The following VANGL1 variants were observed in gnomAD, a reference collection of about 807,000 sequenced individuals.
VANGL1 encodes VANGL planar cell polarity protein 1.
VANGL1 carries 18 observed loss-of-function variants against 48.4 expected under a neutral mutation model. The observed-to-expected ratio is 0.37, with a 90% confidence interval of 0.26 to 0.55. The LOEUF (loss-of-function observed/expected upper bound fraction) is 0.55. VANGL1 is among the 20% of genes least tolerant of loss of function. VANGL1 has a pLI of 0.81. For missense variants in VANGL1, 667 were observed against 675.8 expected (o/e 0.99, Z 0.14); for synonymous variants, 257 against 261.8 (o/e 0.98, Z 0.18).
chr1:115,681,491 CT>C (rs1287173554), intron 4 of VANGL1, among the ~76,000 whole-genome samples: 1 of 113,658 alleles, frequency 8.8e-6, no homozygotes, highest in Non-Finnish European at 1.9e-5. Flanking sequence ...CGGAGGCTCT[CT>C]TTTTTTTGTT....
intron 1 of VANGL1, among the ~76,000 whole-genome samples, chr1:115,648,088 A>G (rs1486023811): frequency 2.0e-5 from 3 of 152,214 alleles, no homozygotes; most frequent in African/African-American, 7.2e-5. Flanking sequence ...GAGGAGAAGT[A>G]GTAACATAAG....
rs1553189431 is a variant in VANGL1, at chr1:115,681,503, G to GTTGTTT, written c.813-859_813-858insGTTTTT. ...CAGCGGAGGCTCTCTTTTTTTTGTT[G>GTTGTTT]TTTTTTTTGTTTTTTTTTTTGAGAC... is the stretch of plus-strand genomic sequence containing the variant. On this transcript the variant is annotated intron_variant, in intron 4 of 7. Transcript: ENST00000355485. Among the ~76,000 whole-genome samples the GTTGTTT allele has an allele frequency of 4.0e-4, 46 of 114,880 alleles. 4 individuals carry two copies. The highest frequency in any genetic ancestry group is 7.5e-4 in the East Asian group (3 of 3,974). The allele number at this position is 114,880 out of a possible 152,430, so 75.4% of individuals were successfully genotyped here. A position where few individuals can be genotyped will look rare whatever the true frequency, so the allele number is the denominator to read the frequency against.
intron 7 of VANGL1, among the ~76,000 whole-genome samples, chr1:115,690,786 A>G (rs892586076): frequency 6.6e-6 from 1 of 152,246 alleles, no homozygotes; most frequent in African/African-American, 2.4e-5. Context: ...AAGTAGGACC[A>G]TACCCTAAGA....
chr1:115,647,827 A>G (rs1169585607), intron 1 of VANGL1, among the ~76,000 whole-genome samples: 2 of 152,176 alleles, frequency 1.3e-5, no homozygotes, highest in African/African-American at 4.8e-5. Context: ...ACTGGAGAGC[A>G]CCTATGAGAG....
At chr1:115,681,491 C>T (rs12401543) in intron 4 of VANGL1, among the ~76,000 whole-genome samples, 2 of 113,656 alleles carry the variant, frequency 1.8e-5, no homozygotes, top group African/African-American at 3.1e-5. Context: ...CGGAGGCTCT[C>T]TTTTTTTTGT....
chr1:115,687,938 G>GTAGGTAGA lies in VANGL1; in HGVS notation c.1314+2414_1314+2415insGTAGATAG, dbSNP rs756946644. ...CCGGCCTATATATATCATTCATTAG[G>GTAGGTAGA]TAGATAGATAGATAGATAGATAGAT... On this transcript the variant is annotated intron_variant, in intron 7 of 7. Transcript: ENST00000355485. Among the ~76,000 whole-genome samples the GTAGGTAGA allele has an allele frequency of 6.3e-3, 706 of 112,698 alleles. 71 individuals carry two copies. The highest frequency in any genetic ancestry group is 0.029 in the Middle Eastern group (6 of 210). 73.9% of individuals were successfully genotyped at this position (112,698 alleles called of 152,430 possible).
intron 2 of VANGL1, among the ~76,000 whole-genome samples, chr1:115,659,206 ATAGAT>A (rs1449187023): frequency 6.6e-6 from 1 of 152,054 alleles, no homozygotes; most frequent in Non-Finnish European, 1.5e-5. Flanking sequence ...CTACAAAAAA[ATAGAT>A]ATTTTTTTGT....
intron 4 of VANGL1, among the ~76,000 whole-genome samples, chr1:115,678,767 G>C (rs1653263469): frequency 6.7e-6 from 1 of 148,660 alleles, no homozygotes; most frequent in Admixed American, 6.8e-5. Flanking sequence ...ACCAGCCTGG[G>C]CAACATGGTG....
chr1:115,660,216 T>G (rs1403405077), intron 3 of VANGL1, among the ~76,000 whole-genome samples: 1 of 152,140 alleles, frequency 6.6e-6, no homozygotes, highest in Non-Finnish European at 1.5e-5. Flanking sequence ...AAACGTAAGT[T>G]AATTAAGGAG....
intron 4 of VANGL1, among the ~76,000 whole-genome samples, 162 bp downstream of exon 4, chr1:115,664,430 T>C (rs909470059): frequency 1.3e-5 from 2 of 152,154 alleles, no homozygotes; most frequent in East Asian, 1.9e-4. Flanking sequence ...AGGGTGTCCA[T>C]GTTCATTGAG....
intron 4 of VANGL1, among the ~76,000 whole-genome samples, chr1:115,679,288 T>A (rs1366967502): frequency 6.6e-6 from 1 of 152,202 alleles, no homozygotes; most frequent in African/African-American, 2.4e-5. Flanking sequence ...GCCTGCACTT[T>A]CCCCTTGTTT....
At chr1:115,658,658 G>A (rs552371600) in intron 2 of VANGL1, among the ~76,000 whole-genome samples, 2 of 152,200 alleles carry the variant, frequency 1.3e-5, no homozygotes, top group South Asian at 2.1e-4. Context: ...CAAGGTGGCT[G>A]TGGGGGCAGG....
intron 3 of VANGL1, among the ~76,000 whole-genome samples, 188 bp from the exon 4 acceptor site, chr1:115,663,473 A>G (rs1431029980): frequency 6.6e-6 from 1 of 152,240 alleles, no homozygotes. Context: ...TACCTCATAC[A>G]TTTTGAAAAT....
intron 1 of VANGL1, among the ~76,000 whole-genome samples, chr1:115,643,747 T>A (rs1376672186): frequency 6.6e-6 from 1 of 152,176 alleles, no homozygotes; most frequent in Non-Finnish European, 1.5e-5. Context: ...TAAAGGAAAT[T>A]TAAAGTTTCT....
At chr1:115,658,459 T>C (rs568823091) in intron 2 of VANGL1, among the ~76,000 whole-genome samples, 2 of 152,354 alleles carry the variant, frequency 1.3e-5, no homozygotes, top group African/African-American at 4.8e-5. Flanking sequence ...CTACTTACAT[T>C]ATGTGGTGTT....
chr1:115,665,218 A>T (rs1184972007), intron 4 of VANGL1, among the ~76,000 whole-genome samples: 2 of 152,188 alleles, frequency 1.3e-5, no homozygotes, highest in Non-Finnish European at 2.9e-5. Context: ...CTTATACCTC[A>T]TTACATCCTC....
At chr1:115,657,598 A>G (rs758507056) in intron 2 of VANGL1, among the ~76,000 whole-genome samples, 18 of 147,816 alleles carry the variant, frequency 1.2e-4, no homozygotes, top group Non-Finnish European at 2.2e-4. Context: ...TAAACAACCA[A>G]ATTTTCTGCT....
At chr1:115,662,237 A>G (rs1465342569) in intron 3 of VANGL1, among the ~76,000 whole-genome samples, 1 of 152,094 alleles carries the variant, frequency 6.6e-6, no homozygotes, top group Non-Finnish European at 1.5e-5. Flanking sequence ...TTTGGTCATT[A>G]CTAGATTCGG....
chr1:115,659,514 TG>T, intron 2 of VANGL1, 126 bp from the exon 3 acceptor site: 2 of 1,172,140 alleles, frequency 1.7e-6, no homozygotes, highest in Admixed American at 1.7e-5. Flanking sequence ...TCTGTGTGTG[TG>T]TGTGTGTGTG....
Sources: allele counts gnomAD v4.1 joint callset (sites outside exome capture counted in the v4.1 genomes callset), GRCh38; gene constraint gnomAD v4.1.1; transcripts MANE v1.5; gene names NCBI Gene and HGNC (gene_info 2026-07-23, HGNC 2026-07-21).